The following ARHGAP6 variants were observed in gnomAD, a reference collection of about 807,000 sequenced individuals.
The protein encoded by ARHGAP6 is rho GTPase-activating protein 6.
A neutral mutation model predicts 55.7 loss-of-function variants in ARHGAP6; 16 were observed. The ratio of observed to expected loss-of-function variants is 0.29; its 90% confidence interval spans 0.19 to 0.44. The LOEUF (loss-of-function observed/expected upper bound fraction) is 0.44. Ranked by LOEUF, ARHGAP6 falls within the 20% of genes least tolerant of loss-of-function variation. ARHGAP6 has a pLI of 1.00. For missense variants in ARHGAP6, 698 were observed against 808.9 expected (o/e 0.86, Z 1.66); for synonymous variants, 382 against 360.9 (o/e 1.06, Z -0.66).
At chrX:11,411,182 T>TA (rs1272085988) in intron 1 of ARHGAP6, among the ~76,000 whole-genome samples, 21 of 52,890 alleles carry the variant, frequency 4.0e-4, no homozygotes, top group South Asian at 3.8e-3. Flanking sequence ...GCAGACATTA[T>TA]TTATATATAT....
chrX:11,372,551 T>G (rs111717520), intron 1 of ARHGAP6, among the ~76,000 whole-genome samples: 80 of 109,446 alleles, frequency 7.3e-4, no homozygotes, highest in Middle Eastern at 4.7e-3. Context: ...GGAGGGTGGA[T>G]TACGAGGTCA....
At chrX:11,197,151 T>A (rs2046552692) in intron 2 of ARHGAP6, among the ~76,000 whole-genome samples, 155 bp from the exon 3 acceptor site, 1 of 112,247 alleles carries the variant, frequency 8.9e-6, no homozygotes, top group Non-Finnish European at 1.9e-5. Flanking sequence ...TACATGAAAA[T>A]CCTGACTTGG....
intron 1 of ARHGAP6, among the ~76,000 whole-genome samples, chrX:11,578,343 T>G (rs2051626203): frequency 8.9e-6 from 1 of 111,734 alleles, no homozygotes. Context: ...CTTTCATGAT[T>G]TAAAAAAAAA....
At chrX:11,376,255 A>G (rs1361542986) in intron 1 of ARHGAP6, among the ~76,000 whole-genome samples, 1 of 112,478 alleles carries the variant, frequency 8.9e-6, no homozygotes, top group East Asian at 2.8e-4. Context: ...TGACATGGTA[A>G]TAGGAACACT....
At chrX:11,380,967 A>G (rs2147722371) in intron 1 of ARHGAP6, among the ~76,000 whole-genome samples, 1 of 112,721 alleles carries the variant, frequency 8.9e-6, no homozygotes, top group Admixed American at 9.3e-5. Context: ...AATCTGCCCT[A>G]ACCATTTGAC....
chrX:11,161,670 G>A (rs1360548142), intron 9 of ARHGAP6, among the ~76,000 whole-genome samples: 4 of 112,012 alleles, frequency 3.6e-5, no homozygotes, highest in African/African-American at 1.3e-4. Flanking sequence ...GATGAAATAA[G>A]TAAGTTAAAC....
intron 1 of ARHGAP6, among the ~76,000 whole-genome samples, chrX:11,611,931 A>C (rs950778436): frequency 8.9e-6 from 1 of 111,900 alleles, no homozygotes; most frequent in Non-Finnish European, 1.9e-5. Context: ...TACAAAAAAA[A>C]AAAAGCCCTC....
chrX:11,656,617 C>A (rs748590339), intron 1 of ARHGAP6, among the ~76,000 whole-genome samples: 1 of 111,409 alleles, frequency 9.0e-6, no homozygotes, highest in Non-Finnish European at 1.9e-5. Context: ...CAAAATCTCT[C>A]TCATTGCCCT....
intron 1 of ARHGAP6, among the ~76,000 whole-genome samples, chrX:11,420,258 C>T (rs1353543079): frequency 3.6e-5 from 4 of 111,809 alleles, no homozygotes; most frequent in South Asian, 3.8e-4. Flanking sequence ...TCTACCTTTA[C>T]GTTTTTAAGT....
chrX:11,231,380 T>C (rs2047129344), intron 2 of ARHGAP6, among the ~76,000 whole-genome samples: 1 of 112,371 alleles, frequency 8.9e-6, no homozygotes, highest in Non-Finnish European at 1.9e-5. Flanking sequence ...AGAGCAGTGA[T>C]GTACTGAACA....
intron 1 of ARHGAP6, among the ~76,000 whole-genome samples, chrX:11,471,808 T>C (rs978016496): frequency 1.3e-4 from 15 of 111,749 alleles, no homozygotes; most frequent in African/African-American, 4.9e-4. Flanking sequence ...ATACAGGGCC[T>C]ACCTCAAACT....
intron 1 of ARHGAP6, chrX:11,335,872 C>CT (rs2048631282): frequency 5.1e-6 from 1 of 194,274 alleles, no homozygotes; most frequent in African/African-American, 3.1e-5. Context: ...CAGCGATCCC[C>CT]TAGAGGACAC....
At chrX:11,282,556 G>A (rs771993177) in intron 1 of ARHGAP6, among the ~76,000 whole-genome samples, 3 of 112,271 alleles carry the variant, frequency 2.7e-5, no homozygotes, top group Non-Finnish European at 5.6e-5. Context: ...CTCATATACA[G>A]TAAAGGTCTG....
At chrX:11,537,719 G>A (rs2051117638) in intron 1 of ARHGAP6, among the ~76,000 whole-genome samples, 1 of 111,805 alleles carries the variant, frequency 8.9e-6, no homozygotes, top group Non-Finnish European at 1.9e-5. Context: ...CCAAAAGCTT[G>A]TGTTTATGTG....
intron 1 of ARHGAP6, among the ~76,000 whole-genome samples, chrX:11,503,939 ATC>A (rs1441079412): frequency 9.0e-6 from 1 of 111,621 alleles, no homozygotes; most frequent in East Asian, 2.8e-4. Flanking sequence ...TTGAAAAATT[ATC>A]TATTTTCTTA....
intron 1 of ARHGAP6, among the ~76,000 whole-genome samples, chrX:11,275,912 C>G (rs1003701898): frequency 2.2e-4 from 25 of 111,703 alleles, no homozygotes; most frequent in African/African-American, 7.2e-4. Context: ...AGGGACATTA[C>G]AAATGAATCA....
intron 1 of ARHGAP6, among the ~76,000 whole-genome samples, chrX:11,470,530 C>T (rs1416108620): frequency 3.6e-5 from 4 of 112,563 alleles, no homozygotes; most frequent in Non-Finnish European, 7.5e-5. Context: ...TTAGAATTAG[C>T]TTCACTGCCA....
rs1179369317 is a variant in ARHGAP6, at chrX:11,614,941, G to GA, written c.588+49299dup. On this transcript the variant is annotated intron_variant, in intron 1 of 12. Transcript: ENST00000337414. ...AAAGCTTCCTTGAGGGGGCAATAAT[G>GA]AAAAAAAAAAGGTGGAGACACATTA... is the stretch of plus-strand genomic sequence containing the variant. Among the ~76,000 whole-genome samples the GA allele has an allele frequency of 9.2e-3, 966 of 105,338 alleles. 14 individuals carry two copies. Among genetic ancestry groups the GA allele is most frequent in the African/African-American group, 0.031 (913 of 29,029 alleles). 91.5% of individuals were successfully genotyped at this position (105,338 alleles called of 115,157 possible). A position where few individuals can be genotyped will look rare whatever the true frequency, so the allele number is the denominator to read the frequency against.
At chrX:11,316,801 T>C (rs774754151) in intron 1 of ARHGAP6, among the ~76,000 whole-genome samples, 2 of 112,532 alleles carry the variant, frequency 1.8e-5, no homozygotes, top group South Asian at 7.4e-4. Context: ...AGTGAGAAAG[T>C]GCAGCATTTG....
Sources: allele counts gnomAD v4.1 joint callset (sites outside exome capture counted in the v4.1 genomes callset), GRCh38; gene constraint gnomAD v4.1.1; transcripts MANE v1.5; gene names NCBI Gene and HGNC (gene_info 2026-07-23, HGNC 2026-07-21).